Variants in ATP2C1 observed in about 807,000 individuals in gnomAD.
ATP2C1 encodes the protein calcium-transporting ATPase type 2C member 1.
Under a neutral mutation model 120.5 loss-of-function variants are expected in ATP2C1, and 31 were observed. That is an observed-to-expected ratio of 0.26 (90% CI 0.19 to 0.35). ATP2C1 has a LOEUF of 0.35. ATP2C1 is among the 10% of genes least tolerant of loss of function. The pLI is 1.00. For missense variants in ATP2C1, 731 were observed against 1,107.5 expected (o/e 0.66, Z 4.83); for synonymous variants, 351 against 358.7 (o/e 0.98, Z 0.24).
intron 26 of ATP2C1, among the ~76,000 whole-genome samples, chr3:131,009,796 A>G (rs1444767902): frequency 6.6e-6 from 1 of 152,218 alleles, no homozygotes; most frequent in Admixed American, 6.5e-5. Context: ...TTAATTTCAA[A>G]TTGGTACAAG....
intron 1 of ATP2C1, among the ~76,000 whole-genome samples, chr3:130,872,891 A>G (rs936109399): frequency 6.6e-6 from 1 of 152,050 alleles, no homozygotes; most frequent in African/African-American, 2.4e-5. Flanking sequence ...CTTGAGCAGT[A>G]CTTTTCAACT....
intron 2 of ATP2C1, among the ~76,000 whole-genome samples, chr3:130,902,978 A>G (rs977101090): frequency 6.6e-6 from 1 of 151,752 alleles, no homozygotes. Flanking sequence ...TGGCATTCTC[A>G]TTTTTAGGGA....
At chr3:130,942,634 T>C (rs1415841600) in intron 8 of ATP2C1, among the ~76,000 whole-genome samples, 2 of 152,224 alleles carry the variant, frequency 1.3e-5, no homozygotes, top group African/African-American at 4.8e-5. Flanking sequence ...AGGCCTTTTT[T>C]CCAAATATTT....
chr3:130,892,037 G>A (rs1475153102), upstream of ATP2C1, among the ~76,000 whole-genome samples: 1 of 152,014 alleles, frequency 6.6e-6, no homozygotes, highest in Admixed American at 6.6e-5. Flanking sequence ...TAATTTAGGG[G>A]ACCAAAAGTA....
chr3:130,945,320 G>A (rs541564247), intron 8 of ATP2C1, among the ~76,000 whole-genome samples: 7 of 152,094 alleles, frequency 4.6e-5, no homozygotes, highest in Non-Finnish European at 8.8e-5. Flanking sequence ...TATTGACTAT[G>A]TATGCCTGGA....
chr3:130,972,486 T>A (rs548399924), intron 17 of ATP2C1, among the ~76,000 whole-genome samples: 17 of 150,490 alleles, frequency 1.1e-4, no homozygotes, highest in Admixed American at 4.0e-4. Context: ...TTTTTTTTTT[T>A]ATATACTTTA....
chr3:130,870,135 G>A (rs1461604191), intron 1 of ATP2C1, among the ~76,000 whole-genome samples: 5 of 152,012 alleles, frequency 3.3e-5, no homozygotes, highest in Admixed American at 3.3e-4. Context: ...TTATAGCATG[G>A]CTTACTGAAT....
chr3:130,941,548 A>ATTT, intron 7 of ATP2C1, 43 bp from the exon 8 acceptor site: 1 of 1,174,656 alleles, frequency 8.5e-7, no homozygotes, highest in Non-Finnish European at 1.2e-6. Context: ...AGTTGCATGA[A>ATTT]TTTTTTTTTT....
intron 2 of ATP2C1, among the ~76,000 whole-genome samples, chr3:130,923,249 CAG>C (rs2059046643): frequency 6.6e-6 from 1 of 150,928 alleles, no homozygotes; most frequent in Non-Finnish European, 1.5e-5. Context: ...TTGTTGGAGA[CAG>C]AGTCTTGCTC....
chr3:130,865,210 G>T (rs1337037240), intron 1 of ATP2C1, among the ~76,000 whole-genome samples: 1 of 152,134 alleles, frequency 6.6e-6, no homozygotes, highest in East Asian at 1.9e-4. Context: ...CTGCCCTACT[G>T]AATTTTTGGA....
intron 2 of ATP2C1, chr3:130,929,970 T>C: frequency 3.8e-6 from 1 of 259,876 alleles, no homozygotes; most frequent in Non-Finnish European, 7.5e-6. Flanking sequence ...TAGCCAGTTG[T>C]CTTTTCTGGG....
intron 1 of ATP2C1, among the ~76,000 whole-genome samples, chr3:130,884,825 C>T (rs762809366): frequency 1.2e-4 from 18 of 151,406 alleles, no homozygotes; most frequent in Non-Finnish European, 2.5e-4. Context: ...GCTACTCCTG[C>T]TCTTTTTTGG....
chr3:130,965,147 G>A, intron 14 of ATP2C1, 102 bp downstream of exon 14: 1 of 771,254 alleles, frequency 1.3e-6, no homozygotes, highest in Non-Finnish European at 2.3e-6. Context: ...CAAAAGGGCT[G>A]TAAATTAGTA....
intron 8 of ATP2C1, among the ~76,000 whole-genome samples, chr3:130,953,242 T>C (rs1435393957): frequency 6.6e-6 from 1 of 151,794 alleles, no homozygotes; most frequent in Non-Finnish European, 1.5e-5. Context: ...TGTTGCAGAG[T>C]TGGAAGATAT....
intron 1 of ATP2C1, among the ~76,000 whole-genome samples, chr3:130,869,760 G>A (rs2068369306): frequency 6.6e-6 from 1 of 152,206 alleles, no homozygotes; most frequent in Non-Finnish European, 1.5e-5. Flanking sequence ...AGGAGGGTTA[G>A]CTGCAGAAGA....
At chr3:130,927,479 G>A (rs577456458) in intron 2 of ATP2C1, among the ~76,000 whole-genome samples, 3 of 152,192 alleles carry the variant, frequency 2.0e-5, no homozygotes, top group Admixed American at 6.5e-5. Flanking sequence ...CTGACCTTGT[G>A]AACCGCCCGC....
chr3:130,894,662 C>T lies in ATP2C1; in HGVS notation c.-108C>T, dbSNP rs2069423351. 2 of 1,609,858 alleles carry T rather than the reference C, an allele frequency of 1.2e-6. No individual in the cohort carries two copies. Among genetic ancestry groups the T allele is most frequent in the African/African-American group, 1.3e-5 (1 of 74,776 alleles). ...GAGCGGGGGTGACAGCCTGGGATTC[C>T]GGGGGCTTCTCTTCCTTGTCCTCCT... On this transcript the variant is annotated 5_prime_UTR_variant, in exon 2 of 28. Coordinates refer to ENST00000510168, the MANE Select transcript of ATP2C1 (RefSeq NM_001378687.1). This position sits in a 1 kb window ranked among gnomAD's most constrained non-coding sequence, Gnocchi z 4.5.
intron 17 of ATP2C1, among the ~76,000 whole-genome samples, chr3:130,970,894 T>C (rs2061282315): frequency 6.6e-6 from 1 of 152,062 alleles, no homozygotes; most frequent in Non-Finnish European, 1.5e-5. Flanking sequence ...ACACTGAACT[T>C]TGAATTGAAG....
intron 11 of ATP2C1, 140 bp from the exon 12 acceptor site, chr3:130,959,135 A>G (rs2060707388): frequency 1.6e-6 from 1 of 639,880 alleles, no homozygotes; most frequent in East Asian, 3.0e-5. Context: ...TGTTTAATGG[A>G]TTTTTATAAA....
Sources: gnomAD v4.1 joint callset for allele counts (sites outside exome capture counted in the v4.1 genomes callset) on GRCh38, gnomAD v4.1.1 for gene constraint, Gnocchi (gnomAD v3.1) non-coding constraint, MANE v1.5 for transcripts, NCBI Gene and HGNC (gene_info 2026-07-23, HGNC 2026-07-21) for gene names.